Variants in TPST2 observed in about 807,000 individuals in gnomAD.
TPST2 encodes the protein protein-tyrosine sulfotransferase 2.
In TPST2, 16 loss-of-function variants were observed where a neutral mutation model predicts 27.8. The observed-to-expected ratio is 0.58, with a 90% CI of 0.39 to 0.88. The LOEUF (loss-of-function observed/expected upper bound fraction) is 0.88. Ranked by LOEUF, TPST2 falls within the 40% of genes least tolerant of loss-of-function variation. The probability of loss-of-function intolerance (pLI) is 0.00; values close to 1 mark genes in which losing one functional copy is unlikely to be tolerated. For synonymous variants in TPST2, 229 were observed against 231.7 expected (o/e 0.99, Z 0.10); for missense variants, 464 against 543.1 (o/e 0.85, Z 1.45).
At chr22:26,578,769 T>A (rs1184365036) in intron 1 of TPST2, among the ~76,000 whole-genome samples, 1 of 152,114 alleles carries the variant, frequency 6.6e-6, no homozygotes. Flanking sequence ...GCTATTTGCA[T>A]GATCCAGAAC....
At chr22:26,537,310 G>T (rs769277561) in intron 3 of TPST2, among the ~76,000 whole-genome samples, 3 of 152,200 alleles carry the variant, frequency 2.0e-5, no homozygotes, top group Non-Finnish European at 4.4e-5. Context: ...CAGCTGTGTG[G>T]CCTTGGGAAA....
At chr22:26,539,537 A>G (rs1925672891) in intron 3 of TPST2, among the ~76,000 whole-genome samples, 1 of 151,424 alleles carries the variant, frequency 6.6e-6, no homozygotes, top group Non-Finnish European at 1.5e-5. Context: ...CCAAGGCAGG[A>G]GGAAGGCTTG....
chr22:26,535,451 T>C (rs1484615378), intron 4 of TPST2, among the ~76,000 whole-genome samples: 1 of 152,240 alleles, frequency 6.6e-6, no homozygotes, highest in African/African-American at 2.4e-5. Context: ...AACTGTTCTT[T>C]TACCCAGTGG....
At chr22:26,583,161 A>C (rs1928184450) in intron 1 of TPST2, among the ~76,000 whole-genome samples, 1 of 151,534 alleles carries the variant, frequency 6.6e-6, no homozygotes, top group African/African-American at 2.4e-5. Context: ...AAGGCCAGGC[A>C]CAGTGGCTCA....
chr22:26,541,128 T>C lies in TPST2; in HGVS notation c.503A>G (p.Tyr168Cys), dbSNP rs779424138. 1.2e-6 allele frequency: 2 copies of C among 1,607,752 alleles called. No homozygotes were observed. Among genetic ancestry groups the C allele is most frequent in the Non-Finnish European group, 1.7e-6 (2 of 1,175,694 alleles). Residue 168 changes from tyrosine (Y) to cysteine (C), a missense_variant, in exon 3 of 7, where the codon TAC (tyrosine) becomes TGC (cysteine). By Grantham distance (194) the Tyr-to-Cys change is radical. Coordinates refer to ENST00000338754, the MANE Select transcript of TPST2 (RefSeq NM_003595.5). The surrounding 1 kb of genome is among the most constrained non-coding windows in gnomAD (Gnocchi z 5.9). ...KDPFTLKSSVYLSRLFPNSKF... is the reference protein window; with the variant it reads ...KDPFTLKSSVCLSRLFPNSKF... The stretch of plus-strand genomic sequence containing the variant: ...GGAGTTGGGGAACAGGCGCGACAGG[T>C]AGACCGAGGACTTGAGCGTAAATGG...
At chr22:26,568,950 G>T (rs1026585395) in intron 1 of TPST2, among the ~76,000 whole-genome samples, 2 of 138,588 alleles carry the variant, frequency 1.4e-5, no homozygotes, top group Non-Finnish European at 3.0e-5. Context: ...TGCAAGCTCC[G>T]CCTCCTGGGT....
At chr22:26,568,521 A>G (rs932495703) in intron 1 of TPST2, among the ~76,000 whole-genome samples, 1 of 152,238 alleles carries the variant, frequency 6.6e-6, no homozygotes, top group African/African-American at 2.4e-5. Context: ...AAAACCGCCA[A>G]AACCAAGATG....
chr22:26,563,274 A>G (rs1228162171), intron 1 of TPST2, among the ~76,000 whole-genome samples: 1 of 151,900 alleles, frequency 6.6e-6, no homozygotes, highest in African/African-American at 2.4e-5. Flanking sequence ...ATCCTTCCAG[A>G]AGAAAAGACA....
chr22:26,577,401 G>T (rs1927892740), intron 1 of TPST2, among the ~76,000 whole-genome samples: 1 of 150,968 alleles, frequency 6.6e-6, no homozygotes. Flanking sequence ...CTGAAGTGTA[G>T]TGGCACTATC....
intron 1 of TPST2, among the ~76,000 whole-genome samples, chr22:26,586,377 C>T (rs1258144783): frequency 1.3e-5 from 2 of 152,064 alleles, no homozygotes; most frequent in African/African-American, 4.8e-5. Context: ...AGCCTCCCGG[C>T]TATCTGGGAA....
intron 1 of TPST2, among the ~76,000 whole-genome samples, chr22:26,585,387 T>C (rs1928304082): frequency 6.6e-6 from 1 of 152,166 alleles, no homozygotes. Flanking sequence ...TTCTGGGGGC[T>C]GGCCAAGATC....
chr22:26,556,293 C>A (rs1369514770), intron 1 of TPST2, among the ~76,000 whole-genome samples: 4 of 151,968 alleles, frequency 2.6e-5, no homozygotes, highest in African/African-American at 7.3e-5. Context: ...AATCCCAGCA[C>A]CTTGGGAGGC....
chr22:26,569,767 T>C (rs893314832), intron 1 of TPST2, among the ~76,000 whole-genome samples: 2 of 151,830 alleles, frequency 1.3e-5, no homozygotes, highest in Non-Finnish European at 2.9e-5. Context: ...CTGGCCAACA[T>C]GGTAAAACCC....
intron 1 of TPST2, chr22:26,550,703 C>T: frequency 1.0e-6 from 1 of 976,574 alleles, no homozygotes; most frequent in Non-Finnish European, 1.2e-6. Context: ...TGGCTATTCC[C>T]AACCCTACCA....
intron 1 of TPST2, among the ~76,000 whole-genome samples, chr22:26,548,047 CCTCT>C (rs917324704): frequency 3.3e-5 from 5 of 152,154 alleles, no homozygotes; most frequent in Admixed American, 3.3e-4. Context: ...AGTCACTTAG[CCTCT>C]CTGAGACTTG....
At chr22:26,562,101 TACAAAG>T (rs1327502764) in intron 1 of TPST2, among the ~76,000 whole-genome samples, 1 of 152,170 alleles carries the variant, frequency 6.6e-6, no homozygotes, top group Admixed American at 6.5e-5. Flanking sequence ...AATCCACAGA[TACAAAG>T]ACCAGGAGGC....
intron 1 of TPST2, chr22:26,547,724 G>A (rs1191993111): frequency 6.6e-6 from 1 of 152,198 alleles, no homozygotes; most frequent in Non-Finnish European, 1.5e-5. Context: ...CCGAGGTTGG[G>A]GGATTGCTTG....
chr22:26,544,975 C>A (rs1926042849), intron 1 of TPST2, among the ~76,000 whole-genome samples: 2 of 152,178 alleles, frequency 1.3e-5, no homozygotes, highest in South Asian at 4.1e-4. Flanking sequence ...AGGCCTCTCC[C>A]CTCCTCTTGG....
At chr22:26,538,455 G>A (rs758467194) in intron 3 of TPST2, among the ~76,000 whole-genome samples, 6 of 152,176 alleles carry the variant, frequency 3.9e-5, no homozygotes, top group South Asian at 2.1e-4. Flanking sequence ...GGAAATAACC[G>A]AAGTGTCCAA....
Sources: gnomAD v4.1 joint callset for allele counts (sites outside exome capture counted in the v4.1 genomes callset) on GRCh38, gnomAD v4.1.1 for gene constraint, Gnocchi (gnomAD v3.1) non-coding constraint, MANE v1.5 for transcripts, NCBI Gene and HGNC (gene_info 2026-07-23, HGNC 2026-07-21) for gene names.